Variants in AUH observed in about 807,000 individuals in gnomAD.
AUH encodes methylglutaconyl-CoA hydratase, mitochondrial.
A neutral mutation model predicts 42.3 loss-of-function variants in AUH; 29 were observed. The ratio of observed to expected loss-of-function variants is 0.69; its 90% confidence interval spans 0.51 to 0.93. AUH has a LOEUF of 0.93. Ranked by LOEUF, AUH falls within the 40% of genes least tolerant of loss-of-function variation. The probability of loss-of-function intolerance (pLI) is 0.00; values close to 1 mark genes in which losing one functional copy is unlikely to be tolerated. For missense variants in AUH, 452 were observed against 438.1 expected (o/e 1.03, Z -0.28); for synonymous variants, 174 against 166.4 (o/e 1.05, Z -0.35).
intron 7 of AUH, among the ~76,000 whole-genome samples, chr9:91,217,728 A>G (rs1045744441): frequency 3.9e-5 from 6 of 152,180 alleles, no homozygotes; most frequent in African/African-American, 1.4e-4. Context: ...GGCTGTTGCT[A>G]TTGATTAAGG....
chr9:91,350,914 T>C (rs1417349213), intron 3 of AUH, among the ~76,000 whole-genome samples: 1 of 152,166 alleles, frequency 6.6e-6, no homozygotes, highest in Non-Finnish European at 1.5e-5. Flanking sequence ...TTTGTTAATA[T>C]AACGAAGTTA....
chr9:91,303,351 C>T (rs867298081), intron 4 of AUH, among the ~76,000 whole-genome samples: 12 of 150,794 alleles, frequency 8.0e-5, no homozygotes, highest in Admixed American at 2.0e-4. Flanking sequence ...TTTTTTGAAA[C>T]GGAGTCTCTT....
At chr9:91,315,849 T>C (rs1197273561) in intron 4 of AUH, among the ~76,000 whole-genome samples, 1 of 152,174 alleles carries the variant, frequency 6.6e-6, no homozygotes, top group East Asian at 1.9e-4. Context: ...TAACCATCCT[T>C]GTAAAGTCTG....
At chr9:91,288,357 A>G (rs545348244) in intron 6 of AUH, among the ~76,000 whole-genome samples, 1 of 152,304 alleles carries the variant, frequency 6.6e-6, no homozygotes, top group Admixed American at 6.5e-5. Flanking sequence ...TATTTCTAAA[A>G]GAGAATTTTA....
chr9:91,346,966 G>A (rs189034372), intron 3 of AUH, among the ~76,000 whole-genome samples: 46 of 152,114 alleles, frequency 3.0e-4, no homozygotes, highest in Admixed American at 3.0e-3. Context: ...GAGCTTCCAT[G>A]CCCTCTTTAG....
chr9:91,308,791 C>CTT (rs201772761), intron 4 of AUH, among the ~76,000 whole-genome samples: 21 of 136,410 alleles, frequency 1.5e-4, no homozygotes, highest in South Asian at 4.7e-4. Flanking sequence ...TTAAGCAATT[C>CTT]TTTTTTTTTT....
At chr9:91,215,978 G>T in intron 9 of AUH, 81 bp downstream of exon 9, 1 of 1,435,642 alleles carries the variant, frequency 7.0e-7, no homozygotes, top group Non-Finnish European at 9.8e-7. Context: ...ATCTTGCTCA[G>T]TGAAATTCAT....
At position 91,214,237 on chromosome 9, in the gene AUH, G is replaced by T; in HGVS notation, c.*111C>A. The T allele has an allele frequency of 2.3e-6, 2 of 867,562 alleles. No homozygotes were observed. Among genetic ancestry groups the T allele is most frequent in the Non-Finnish European group, 3.8e-6 (2 of 533,114 alleles). The allele number at this position is 867,562 out of a possible 1,614,324, so 53.7% of individuals were successfully genotyped here. On this transcript the variant is annotated 3_prime_UTR_variant, in exon 10 of 10. Transcript: ENST00000375731. ...GCTTATTACACCGTATGAATAATCT[G>T]CTCTTCACTTTGGTCATTAAGGTTC... is the stretch of plus-strand genomic sequence containing the variant.
At chr9:91,230,251 C>T (rs1294831844) in intron 6 of AUH, among the ~76,000 whole-genome samples, 2 of 152,102 alleles carry the variant, frequency 1.3e-5, no homozygotes, top group East Asian at 1.9e-4. Flanking sequence ...AGGCTTTGCT[C>T]GTTTCTTTTT....
chr9:91,327,553 T>C (rs1292064793), intron 3 of AUH, among the ~76,000 whole-genome samples: 4 of 152,128 alleles, frequency 2.6e-5, no homozygotes, highest in South Asian at 2.1e-4. Context: ...GAGCTTTCCT[T>C]ATGTCACTCA....
intron 6 of AUH, among the ~76,000 whole-genome samples, chr9:91,250,385 C>G (rs1029977307): frequency 1.3e-5 from 2 of 152,212 alleles, no homozygotes; most frequent in African/African-American, 4.8e-5. Flanking sequence ...AACACAGTGT[C>G]TATTTATTAC....
At chr9:91,239,511 T>C (rs879040122) in intron 6 of AUH, among the ~76,000 whole-genome samples, 2 of 152,210 alleles carry the variant, frequency 1.3e-5, no homozygotes, top group South Asian at 2.1e-4. Context: ...GCTTTCTTCA[T>C]GCATCAGGGC....
In AUH at chr9:91,220,962, C is replaced by T. The variant is rs1462191237; in HGVS notation, c.686G>A (p.Gly229Glu). The change falls in exon 7 of 10, where the codon GGA becomes GAA. Residue 229 changes from glycine (G) to glutamate (E), a missense_variant. By Grantham distance (98) the Gly-to-Glu change is moderately conservative. Transcript: ENST00000375731. ...GGTQRLPRAI[G>E]MSLAKELIFS... ...TATGAGCTCCTTGGCCAGGGACATT[C>T]CAATGGCGCGTGGCAATCGCTGTGT... 2.5e-6 allele frequency: 4 copies of T among 1,614,062 alleles called. No individual in the cohort carries two copies. In the African/African-American group the frequency reaches 5.3e-5, roughly 22 times the overall value.
At chr9:91,304,421 C>A (rs1828052343) in intron 4 of AUH, among the ~76,000 whole-genome samples, 1 of 152,164 alleles carries the variant, frequency 6.6e-6, no homozygotes, top group South Asian at 2.1e-4. Flanking sequence ...GGAATAGGGT[C>A]CAACTCCTCC....
chr9:91,301,570 T>G (rs529380886), intron 4 of AUH, among the ~76,000 whole-genome samples: 69 of 152,282 alleles, frequency 4.5e-4, no homozygotes, highest in Non-Finnish European at 9.3e-4. Context: ...AGAAATTATG[T>G]TTCTAAAGAG....
At chr9:91,237,051 G>C (rs1006920542) in intron 6 of AUH, among the ~76,000 whole-genome samples, 2 of 152,092 alleles carry the variant, frequency 1.3e-5, no homozygotes, top group Non-Finnish European at 2.9e-5. Context: ...TAGGGGATAC[G>C]TGTATGTGCA....
At chr9:91,245,862 G>A (rs1828765031) in intron 6 of AUH, among the ~76,000 whole-genome samples, 1 of 152,122 alleles carries the variant, frequency 6.6e-6, no homozygotes, top group Non-Finnish European at 1.5e-5. Context: ...CCCCTGCGCT[G>A]TCCCTAAAAA....
chr9:91,323,159 T>C (rs186476782), intron 4 of AUH, among the ~76,000 whole-genome samples: 74 of 152,086 alleles, frequency 4.9e-4, no homozygotes, highest in African/African-American at 1.7e-3. Flanking sequence ...CCTGAACCAA[T>C]ATGAAAAAAT....
intron 6 of AUH, chr9:91,294,883 A>C: frequency 2.4e-6 from 1 of 413,912 alleles, no homozygotes; most frequent in South Asian, 1.8e-5. Flanking sequence ...CTCATTATAA[A>C]ACTGGAATGG....
Sources: gnomAD v4.1 joint callset for allele counts (sites outside exome capture counted in the v4.1 genomes callset) on GRCh38, gnomAD v4.1.1 for gene constraint, MANE v1.5 for transcripts, NCBI Gene and HGNC (gene_info 2026-07-23, HGNC 2026-07-21) for gene names.